The following KCNT2 variants were observed in gnomAD, a reference collection of about 807,000 sequenced individuals.
The protein encoded by KCNT2 is potassium sodium-activated channel subfamily T member 2.
KCNT2 carries 67 observed loss-of-function variants against 153.8 expected under a neutral mutation model. The observed-to-expected ratio is 0.44, with a 90% CI of 0.36 to 0.53. The LOEUF is 0.53. Ranked by LOEUF, KCNT2 falls within the 20% of genes least tolerant of loss-of-function variation. KCNT2 has a pLI of 0.00. For synonymous variants in KCNT2, 500 were observed against 458.8 expected (o/e 1.09, Z -1.15); for missense variants, 975 against 1,354.8 (o/e 0.72, Z 4.40).
chr1:196,568,061 C>G (rs1660319612), intron 1 of KCNT2, among the ~76,000 whole-genome samples: 1 of 152,196 alleles, frequency 6.6e-6, no homozygotes, highest in Admixed American at 6.5e-5. Context: ...TCTGCTCTCT[C>G]TTAATACCCA....
intron 21 of KCNT2, 98 bp downstream of exon 21, chr1:196,315,794 G>T: frequency 1.0e-6 from 1 of 976,936 alleles, no homozygotes; most frequent in East Asian, 2.8e-5. Flanking sequence ...ACATAAAGTT[G>T]GTGTGTCTCA....
chr1:196,445,424 T>C (rs1436839245), intron 8 of KCNT2, among the ~76,000 whole-genome samples: 2 of 151,404 alleles, frequency 1.3e-5, no homozygotes, highest in East Asian at 3.9e-4. Context: ...AGCTTTGTTT[T>C]ATTCTATCAG....
chr1:196,456,388 T>C (rs1305137417), intron 8 of KCNT2, among the ~76,000 whole-genome samples: 5 of 152,070 alleles, frequency 3.3e-5, no homozygotes, highest in Non-Finnish European at 7.4e-5. Flanking sequence ...TTTAACGTTA[T>C]GTATAGTATA....
chr1:196,505,905 A>G lies in KCNT2; in HGVS notation c.96-13564T>C, dbSNP rs145720427. 2.0e-3 allele frequency among the ~76,000 whole-genome samples: 304 copies of G among 152,212 alleles called. 1 individual carries two copies. The highest frequency in any genetic ancestry group is 6.7e-3 in the African/African-American group (278 of 41,544). ...TGTTTGTCTGTTATTGGTGTATAAG[A>G]ATGCTTGTGATTTTTGTACGTTGAT... On this transcript the variant is annotated intron_variant, in intron 1 of 27. Transcript: ENST00000294725.
intron 16 of KCNT2, among the ~76,000 whole-genome samples, chr1:196,339,842 T>C (rs924530445): frequency 6.6e-6 from 1 of 151,988 alleles, no homozygotes; most frequent in Non-Finnish European, 1.5e-5. Context: ...CCAAGTTCAG[T>C]GGTGAGAGTG....
intron 18 of KCNT2, among the ~76,000 whole-genome samples, chr1:196,329,031 G>A (rs1418619335): frequency 1.3e-5 from 2 of 152,118 alleles, no homozygotes; most frequent in African/African-American, 4.8e-5. Context: ...GATAAATAAA[G>A]GAAAAAATAA....
intron 3 of KCNT2, 76 bp downstream of exon 3, chr1:196,489,762 T>C (rs769240401): frequency 3.5e-5 from 29 of 831,000 alleles, no homozygotes; most frequent in Non-Finnish European, 5.3e-5. Flanking sequence ...CTACACAACA[T>C]GCTTTAAATT....
chr1:196,491,001 A>G (rs1302502282), intron 2 of KCNT2, among the ~76,000 whole-genome samples: 3 of 152,140 alleles, frequency 2.0e-5, no homozygotes, highest in African/African-American at 7.2e-5. Context: ...AGGTTTTCCA[A>G]TTAAAATGCT....
intron 19 of KCNT2, among the ~76,000 whole-genome samples, chr1:196,320,647 T>C (rs1434070022): frequency 1.3e-5 from 2 of 151,658 alleles, no homozygotes; most frequent in Non-Finnish European, 2.9e-5. Context: ...TTCTCTCCTG[T>C]TGGTCATCCT....
chr1:196,548,000 G>A (rs901900461), intron 1 of KCNT2, among the ~76,000 whole-genome samples: 5 of 151,666 alleles, frequency 3.3e-5, no homozygotes, highest in African/African-American at 9.7e-5. Flanking sequence ...AGTGTCTAAA[G>A]CCATATATTG....
At chr1:196,326,021 T>C (rs1663816825) in intron 19 of KCNT2, among the ~76,000 whole-genome samples, 1 of 152,086 alleles carries the variant, frequency 6.6e-6, no homozygotes, top group African/African-American at 2.4e-5. Context: ...AATCCTAAAA[T>C]ATGGTATTAA....
chr1:196,524,205 T>A (rs920503696), intron 1 of KCNT2, among the ~76,000 whole-genome samples: 7 of 152,122 alleles, frequency 4.6e-5, no homozygotes, highest in African/African-American at 1.7e-4. Context: ...TCATTTGGAG[T>A]CTGTGTTTCC....
At chr1:196,295,907 T>A (rs1660634303) in intron 22 of KCNT2, among the ~76,000 whole-genome samples, 2 of 151,854 alleles carry the variant, frequency 1.3e-5, no homozygotes, top group Admixed American at 1.3e-4. Flanking sequence ...ACATGGAGGG[T>A]TGTCAATGTA....
chr1:196,602,171 G>A (rs998498976), intron 1 of KCNT2, among the ~76,000 whole-genome samples: 5 of 152,102 alleles, frequency 3.3e-5, no homozygotes, highest in Admixed American at 3.3e-4. Context: ...ACATCTCAAT[G>A]AAGGATACCG....
chr1:196,316,126 C>A, intron 20 of KCNT2, 100 bp from the exon 21 acceptor site: 2 of 1,055,174 alleles, frequency 1.9e-6, no homozygotes, highest in Admixed American at 2.9e-5. Context: ...ATATAAGTTG[C>A]CTTTAGAGGT....
intron 25 of KCNT2, among the ~76,000 whole-genome samples, chr1:196,277,525 A>G (rs1031856172): frequency 2.6e-5 from 4 of 152,072 alleles, no homozygotes; most frequent in African/African-American, 9.7e-5. Flanking sequence ...CATAGACTAA[A>G]CCTTTAATAT....
chr1:196,253,294 G>C (rs1489054774), intron 26 of KCNT2, among the ~76,000 whole-genome samples: 2 of 151,136 alleles, frequency 1.3e-5, no homozygotes, highest in African/African-American at 4.8e-5. Flanking sequence ...TATTGCTATG[G>C]CTTTATGTAC....
intron 23 of KCNT2, among the ~76,000 whole-genome samples, chr1:196,283,664 C>G (rs1659343118): frequency 6.6e-6 from 1 of 152,000 alleles, no homozygotes; most frequent in African/African-American, 2.4e-5. Context: ...TCAAAAGTCC[C>G]ACTGAAGAGA....
intron 12 of KCNT2, among the ~76,000 whole-genome samples, chr1:196,414,074 A>G (rs1325395271): frequency 1.3e-5 from 2 of 151,716 alleles, no homozygotes; most frequent in Non-Finnish European, 3.0e-5. Context: ...ATACCAAGGA[A>G]CATCATATAT....
Sources: gnomAD v4.1 joint callset for allele counts (sites outside exome capture counted in the v4.1 genomes callset) on GRCh38, gnomAD v4.1.1 for gene constraint, MANE v1.5 for transcripts, NCBI Gene and HGNC (gene_info 2026-07-23, HGNC 2026-07-21) for gene names.